E4F1: variants seen among roughly 807,000 people sequenced by gnomAD.
E4F1 encodes the protein E4F transcription factor 1, also known as transcription factor E4F1.
E4F1 carries 30 observed loss-of-function variants against 72.9 expected under a neutral mutation model. That is an observed-to-expected ratio of 0.41 (90% CI 0.31 to 0.56). E4F1 has a LOEUF of 0.56. Among genes scored for constraint, E4F1 ranks in the 20% least tolerant of loss-of-function variants. The pLI is 0.25. For missense variants in E4F1, 1,091 were observed against 1,117.5 expected (o/e 0.98, Z 0.34); for synonymous variants, 542 against 478.2 (o/e 1.13, Z -1.74).
chr16:2,233,987 A>G lies in E4F1; in HGVS notation c.1372A>G (p.Thr458Ala), dbSNP rs2093485860. ...CCTGGAGGCCCACAAGAGGGGCCAC[A>G]CCGGTAGGTGATGGGTGGGTGTGTG... is the stretch of plus-strand genomic sequence containing the variant. ...ATLEAHKRGH[T>A]GPRPFACAQC... Residue 458 changes from threonine (T) to alanine (A), a missense_variant, in exon 9 of 14, where the codon ACC (threonine) becomes GCC (alanine). By Grantham distance (58) the Thr-to-Ala change is moderately conservative. Coordinates refer to ENST00000301727, the MANE Select transcript of E4F1 (RefSeq NM_004424.5). 1.3e-6 allele frequency: 2 copies of G among 1,588,460 alleles called. No homozygotes were observed. Among genetic ancestry groups the G allele is most frequent in the South Asian group, 1.1e-5 (1 of 88,032 alleles).
chr16:2,223,845 C>G lies in E4F1; in HGVS notation c.157+75C>G, dbSNP rs772958777. On this transcript the variant is annotated intron_variant, in intron 1 of 13. Transcript: ENST00000301727. ...CGGGCTGGCAGAGGCCCGGATGGCC[C>G]GAGCTGCGGGCTCGACCGACCCTCC... The G allele has an allele frequency of 7.3e-5, 112 of 1,530,934 alleles. No individual in the cohort carries two copies. In the African/African-American group the frequency reaches 1.3e-3, roughly 17 times the overall value. 94.8% of individuals were successfully genotyped at this position (1,530,934 alleles called of 1,614,324 possible).
At chr16:2,225,474 T>C (rs2093425474) in intron 1 of E4F1, among the ~76,000 whole-genome samples, 1 of 147,640 alleles carries the variant, frequency 6.8e-6, no homozygotes, top group Admixed American at 6.6e-5. Context: ...GTCTCTATTT[T>C]CTTTTTTTTT....
In E4F1 at chr16:2,232,301, G is replaced by A. The variant is rs1320321306; in HGVS notation, c.546G>A (p.Val182=). Residue 182 remains valine, a synonymous_variant, in exon 4 of 14, where the codon GTG becomes GTA. Coordinates refer to ENST00000301727, the MANE Select transcript of E4F1 (RefSeq NM_004424.5). ...GLAGEGEQAQ[V]KLLVNKDGRY... Reference sequence around the variant, plus strand: ...CAGGGGAGGGTGAGCAGGCCCAGGTGAAGCTACTGGTGAACAAGGATGGCC... The same window carrying A: ...CAGGGGAGGGTGAGCAGGCCCAGGTAAAGCTACTGGTGAACAAGGATGGCC... 3 of 1,611,140 alleles carry A rather than the reference G, an allele frequency of 1.9e-6. No individual in the cohort carries two copies. Among genetic ancestry groups the A allele is most frequent in the African/African-American group, 1.3e-5 (1 of 74,884 alleles).
intron 1 of E4F1, among the ~76,000 whole-genome samples, chr16:2,228,060 C>T (rs946702445): frequency 1.3e-5 from 2 of 152,186 alleles, no homozygotes; most frequent in Non-Finnish European, 2.9e-5. Context: ...GCCTGTCAGT[C>T]GCTGAGGTGG....
At position 2,235,015 on chromosome 16, in the gene E4F1, C is replaced by T. The variant is rs781466456; in HGVS notation, c.1935+14C>T. 4 of 1,611,852 alleles carry T rather than the reference C, an allele frequency of 2.5e-6. No individual in the cohort carries two copies. The highest frequency in any genetic ancestry group is 1.1e-5 in the South Asian group (1 of 90,966). On this transcript the variant is annotated intron_variant, in intron 12 of 13. Transcript: ENST00000301727. ...TATATCATCGAGGTGGGTGTGGGGC[C>T]CTGGGGCCGTGCTGGGACCCAGGGG...
rs374328393 is a variant in E4F1 at position 2,232,378 on chromosome 16, C to G, written c.609+14C>G. 6.3e-7 allele frequency: 1 copy of G among 1,599,820 alleles called. No homozygotes were observed. The highest frequency in any genetic ancestry group is 8.5e-7 in the Non-Finnish European group (1 of 1,171,434). On this transcript the variant is annotated intron_variant, in intron 4 of 13. Transcript: ENST00000301727. ...ACCTTCAAGACGGTGAGCCGGCGTG[C>G]GGGGAGCCAGTGTGTGGGTGGCAGG...
In E4F1 at chr16:2,234,922, C is replaced by G; in HGVS notation, c.1856C>G (p.Thr619Ser). 1.3e-6 allele frequency: 2 copies of G among 1,558,510 alleles called. No homozygotes were observed. The highest frequency in any genetic ancestry group is 1.7e-6 in the Non-Finnish European group (2 of 1,151,268). Residue 619 changes from threonine to serine, a missense_variant, in exon 12 of 14, where the codon ACC (threonine) becomes AGC (serine). Thr to Ser is a moderately conservative substitution (Grantham distance 58). Coordinates refer to ENST00000301727, the MANE Select transcript of E4F1 (RefSeq NM_004424.5). Reference protein sequence around the residue: ...VSEDSPAAATTVLTEDPHTVL... With the variant: ...VSEDSPAAATSVLTEDPHTVL... ...GAGGACAGCCCCGCGGCAGCCACCA[C>G]CGTCCTCACGGAAGACCCGCACACA...
In E4F1 at chr16:2,229,557, C is replaced by A. The variant is rs756206720; in HGVS notation, c.310-13C>A. The A allele has an allele frequency of 1.2e-6, 2 of 1,607,424 alleles. No individual in the cohort carries two copies. Among genetic ancestry groups the A allele is most frequent in the Non-Finnish European group, 1.7e-6 (2 of 1,179,026 alleles). ...ATACAGACGACTCCCCTGTTTTCTT[C>A]CCCCTTTGGCAGGTGGTGCCGGCAG... On this transcript the variant is annotated splice_polypyrimidine_tract_variant and intron_variant, in intron 2 of 13. Transcript: ENST00000301727.
In E4F1 at chr16:2,235,125, C is replaced by T. The variant is rs771704183; in HGVS notation, c.1980C>T (p.Ile660=). The part of the protein sequence containing the change: ...DAETSEATEI[I]EGTQTEVDSH... ...AGACCAGTGAGGCCACGGAGATCAT[C>T]GAGGGCACCCAGACAGAGGTGAGGG... The change falls in exon 13 of 14, where the codon ATC becomes ATT. Residue 660 remains isoleucine (I), a synonymous_variant. Transcript: ENST00000301727. 80 of 1,612,006 alleles carry T rather than the reference C, an allele frequency of 5.0e-5. No homozygotes were observed. Among genetic ancestry groups the T allele is most frequent in the Non-Finnish European group, 6.1e-5 (72 of 1,179,848 alleles).
At position 2,234,151 on chromosome 16, in the gene E4F1, G is replaced by A; in HGVS notation, c.1376-20G>A. The A allele has an allele frequency of 1.2e-6, 2 of 1,609,684 alleles. No individual in the cohort carries two copies. Among genetic ancestry groups the A allele is most frequent in the Non-Finnish European group, 1.7e-6 (2 of 1,178,940 alleles). ...GGCCCGCGGGTGATGGGCTTGGCCT[G>A]ATGCTGTGTGTGGCTGCAGGGCCGA... is the stretch of plus-strand genomic sequence containing the variant. On this transcript the variant is annotated intron_variant, in intron 9 of 13. Transcript: ENST00000301727.
chr16:2,225,685 T>C (rs30987), intron 1 of E4F1, among the ~76,000 whole-genome samples: 76,973 of 149,778 alleles, frequency 0.51, 20,056 homozygotes, highest in East Asian at 0.58. Context: ...TTGGCCAGGC[T>C]GGTCTTGAAC....
chr16:2,232,256 C>G lies in E4F1; in HGVS notation c.501C>G (p.Arg167=). The change falls in exon 4 of 14, where the codon CGC becomes CGG. Residue 167 remains arginine (R), a synonymous_variant. Transcript: ENST00000301727. ...GEMAEAPGSP[R]QQGLGLAGEG... ...TGGCCGAGGCCCCGGGCAGCCCCCG[C>G]CAGCAGGGGCTGGGGCTCGCAGGGG... 1 of 1,612,540 alleles carries G rather than the reference C, an allele frequency of 6.2e-7. No individual in the cohort carries two copies. Among genetic ancestry groups the G allele is most frequent in the Non-Finnish European group, 8.5e-7 (1 of 1,179,694 alleles).
intron 1 of E4F1, 54 bp downstream of exon 1, chr16:2,223,824 C>A: frequency 6.5e-7 from 1 of 1,532,702 alleles, no homozygotes; most frequent in Non-Finnish European, 8.7e-7. Context: ...TCATCCCGGG[C>A]TGGCAGAGGC....
chr16:2,234,421 A>ATCCCCCCATCCTGC (rs779059622), intron 10 of E4F1, 33 bp downstream of exon 10: 1 of 1,608,848 alleles, frequency 6.2e-7, no homozygotes, highest in Admixed American at 1.7e-5. Context: ...CTGGCGCCTG[A>ATCCCCCCATCCTGC]TCCCCCCATC....
At chr16:2,226,644 A>G (rs984367739) in intron 1 of E4F1, among the ~76,000 whole-genome samples, 9 of 152,334 alleles carry the variant, frequency 5.9e-5, no homozygotes, top group African/African-American at 2.2e-4. Context: ...AACAGCTCCT[A>G]TCCCTTTGTG....
intron 1 of E4F1, among the ~76,000 whole-genome samples, chr16:2,225,177 C>T (rs2093424055): frequency 6.6e-6 from 1 of 152,154 alleles, no homozygotes; most frequent in African/African-American, 2.4e-5. Flanking sequence ...CGCACCACTG[C>T]TCTCCAGCCT....
intron 1 of E4F1, among the ~76,000 whole-genome samples, chr16:2,226,527 A>G (rs907408543): frequency 3.3e-5 from 5 of 152,232 alleles, no homozygotes; most frequent in African/African-American, 7.2e-5. Context: ...CTCAAATTCA[A>G]CAGTAAACAT....
At position 2,235,123 on chromosome 16, in the gene E4F1, A is replaced by G; in HGVS notation, c.1978A>G (p.Ile660Val). Residue 660 changes from isoleucine to valine, a missense_variant, in exon 13 of 14, where the codon ATC becomes GTC. Physicochemically the swap from Ile to Val is conservative, Grantham distance 29. This residue lies in a region of E4F1 where 622 missense variants were observed against 628.0 expected (regional missense o/e 0.99). Coordinates refer to ENST00000301727, the MANE Select transcript of E4F1 (RefSeq NM_004424.5). Reference sequence around the variant, plus strand: ...GGAGACCAGTGAGGCCACGGAGATCATCGAGGGCACCCAGACAGAGGTGAG... The same window carrying G: ...GGAGACCAGTGAGGCCACGGAGATCGTCGAGGGCACCCAGACAGAGGTGAG... ...DAETSEATEI[I>V]EGTQTEVDSH... The G allele has an allele frequency of 1.9e-6, 3 of 1,612,150 alleles. No homozygotes were observed. The highest frequency in any genetic ancestry group is 2.2e-5 in the South Asian group (2 of 91,070).
In E4F1 at chr16:2,229,734, T is replaced by C; in HGVS notation, c.415+59T>C. 10 of 1,574,546 alleles carry C rather than the reference T, an allele frequency of 6.4e-6. No homozygotes were observed. In the South Asian group the frequency reaches 1.1e-4, roughly 17 times the overall value. On this transcript the variant is annotated intron_variant, in intron 3 of 13. Transcript: ENST00000301727. The stretch of plus-strand genomic sequence containing the variant: ...GACCTTCGTGGTTGGGGCCAGAGGA[T>C]GGGGCCCCTGCTGCCTGTATGCTCG...
Sources: allele counts gnomAD v4.1 joint callset (sites outside exome capture counted in the v4.1 genomes callset), GRCh38; gene constraint gnomAD v4.1.1; regional missense constraint gnomAD v4.1.1; transcripts MANE v1.5; gene names NCBI Gene and HGNC (gene_info 2026-07-23, HGNC 2026-07-21).